Variants in CCDC7 observed in about 807,000 individuals in gnomAD.
CCDC7 encodes the protein coiled-coil domain containing 7, also known as coiled-coil domain-containing protein 7.
CCDC7 carries 183 observed loss-of-function variants against 196.9 expected under a neutral mutation model. The ratio of observed to expected loss-of-function variants is 0.93; its 90% CI spans 0.82 to 1.05. CCDC7 has a LOEUF of 1.05. Ranked by LOEUF, CCDC7 falls within the 50% of genes least tolerant of loss-of-function variation. The pLI is 0.00. For missense variants in CCDC7, 1,540 were observed against 1,482.2 expected (o/e 1.04, Z -0.64); for synonymous variants, 525 against 484.6 (o/e 1.08, Z -1.10).
chr10:32,737,613 T>G (rs2085076698), intron 28 of CCDC7, among the ~76,000 whole-genome samples: 1 of 152,184 alleles, frequency 6.6e-6, no homozygotes, highest in African/African-American at 2.4e-5. Flanking sequence ...TGAATTACAG[T>G]TAGATGGTAC....
Position 32,805,011 on chromosome 10 carries a change from A to G in CCDC7, c.3014-4A>G, listed in dbSNP as rs755966059. The G allele has an allele frequency of 1.3e-6, 2 of 1,587,500 alleles. No homozygotes were observed. Among genetic ancestry groups the G allele is most frequent in the East Asian group, 2.2e-5 (1 of 44,686 alleles). On this transcript the variant is annotated splice_polypyrimidine_tract_variant and splice_region_variant and intron_variant, in intron 29 of 41. Transcript: ENST00000639629. ...AGTATTTTTAAATCCATCTATTTCT[A>G]TAGAGACTGATATAGAAAGCTTGAG...
intron 9 of CCDC7, chr10:32,513,891 A>T (rs937178127): frequency 6.6e-6 from 1 of 152,214 alleles, no homozygotes; most frequent in South Asian, 2.1e-4. Flanking sequence ...TCAACATCAT[A>T]CTCAGTGGTG....
At chr10:32,709,326 G>T (rs979944042) in intron 24 of CCDC7, among the ~76,000 whole-genome samples, 2 of 116,788 alleles carry the variant, frequency 1.7e-5, no homozygotes, top group South Asian at 3.7e-4. Context: ...TATCGTGGGT[G>T]GGGGGAGGGG....
chr10:32,542,405 G>A (rs1344057326), intron 11 of CCDC7, among the ~76,000 whole-genome samples: 1 of 152,050 alleles, frequency 6.6e-6, no homozygotes, highest in Non-Finnish European at 1.5e-5. Flanking sequence ...GGCCGAGGCG[G>A]GCGGATCACC....
Position 32,698,090 on chromosome 10 carries a change from C to A in CCDC7, c.2458+3098C>A, listed in dbSNP as rs926444354. Among the ~76,000 whole-genome samples the A allele has an allele frequency of 2.6e-5, 4 of 151,664 alleles. No homozygotes were observed. The Admixed American group carries it at 2.7e-4, about 10-fold the overall frequency. On this transcript the variant is annotated intron_variant, in intron 24 of 41. Coordinates refer to ENST00000639629, the Ensembl canonical transcript of CCDC7. ...GTCTGGAGTGGACCTCCAGCAAGCT[C>A]CAGCAGACCTACAGCTAAGGGTCCT...
At chr10:32,785,488 G>T (rs1490695217) in intron 29 of CCDC7, among the ~76,000 whole-genome samples, 1 of 152,026 alleles carries the variant, frequency 6.6e-6, no homozygotes, top group Non-Finnish European at 1.5e-5. Flanking sequence ...TTTAAAGGTT[G>T]CATATGATAG....
intron 28 of CCDC7, among the ~76,000 whole-genome samples, chr10:32,742,893 T>G (rs1347208302): frequency 6.6e-6 from 1 of 152,188 alleles, no homozygotes; most frequent in East Asian, 1.9e-4. Context: ...AGATTAGAGT[T>G]TTGACATATA....
At chr10:32,514,725 G>C (rs1011301630) in intron 9 of CCDC7, 4 of 152,206 alleles carry the variant, frequency 2.6e-5, no homozygotes, top group Admixed American at 6.5e-5. Context: ...AGAAATGCAA[G>C]ACTTGGGCAC....
intron 33 of CCDC7, among the ~76,000 whole-genome samples, chr10:32,835,955 G>A (rs752187418): frequency 6.6e-6 from 1 of 152,108 alleles, no homozygotes; most frequent in Non-Finnish European, 1.5e-5. Context: ...GATAAGAAGA[G>A]GAGTATAACA....
chr10:32,571,822 C>A, intron 15 of CCDC7, 37 bp from the exon 17 acceptor site: 1 of 1,513,272 alleles, frequency 6.6e-7, no homozygotes, highest in Non-Finnish European at 8.8e-7. Flanking sequence ...CATATGCATA[C>A]TTGATATTTT....
intron 28 of CCDC7, among the ~76,000 whole-genome samples, chr10:32,777,202 G>C (rs563059159): frequency 2.0e-5 from 3 of 152,274 alleles, no homozygotes; most frequent in Non-Finnish European, 4.4e-5. Context: ...TGCTGCAAAA[G>C]ACATGATTTT....
At chr10:32,518,498 A>G (rs779064859) in exon 11 of CCDC7, 10 of 1,605,148 alleles carry the variant, frequency 6.2e-6, no homozygotes, top group African/African-American at 2.7e-5. Flanking sequence ...AAGTTGAAGG[A>G]CAAAGAGGTT....
intron 20 of CCDC7, among the ~76,000 whole-genome samples, chr10:32,639,320 T>G (rs1221073485): frequency 5.9e-5 from 9 of 152,164 alleles, no homozygotes; most frequent in Admixed American, 1.3e-4. Flanking sequence ...TTTTAATTGT[T>G]ATGTTAGGGT....
intron 32 of CCDC7, among the ~76,000 whole-genome samples, chr10:32,825,739 C>T (rs1340078418): frequency 1.3e-5 from 2 of 151,936 alleles, no homozygotes; most frequent in Non-Finnish European, 2.9e-5. Flanking sequence ...TGGAGAACAC[C>T]GATAAAGAGC....
chr10:32,881,715 T>C (rs2094796685), downstream of CCDC7, among the ~76,000 whole-genome samples: 1 of 152,118 alleles, frequency 6.6e-6, no homozygotes, highest in South Asian at 2.1e-4. Context: ...GTGCTCATGG[T>C]CAACATTTCT....
intron 7 of CCDC7, 107 bp downstream of exon 8, chr10:32,472,649 T>TAGTG (rs2038183579): frequency 1.9e-6 from 2 of 1,034,584 alleles, no homozygotes; most frequent in Non-Finnish European, 2.6e-6. Context: ...TGCTGGAGTG[T>TAGTG]AGTGGCATGA....
In CCDC7 at chr10:32,629,048, G is replaced by A. The variant is rs183263959; in HGVS notation, c.1802-5206G>A. Among the ~76,000 whole-genome samples the A allele has an allele frequency of 2.4e-4, 37 of 152,174 alleles. No homozygotes were observed. The East Asian group carries it at 4.6e-3, about 19-fold the overall frequency. The stretch of plus-strand genomic sequence containing the variant: ...AAGTATAGTTCAAGTCCAGTGTTTC[G>A]TTATTAATGTTCCATCTGTATGATC... On this transcript the variant is annotated intron_variant, in intron 18 of 41. Transcript: ENST00000639629.
intron 8 of CCDC7, among the ~76,000 whole-genome samples, chr10:32,485,901 AGTG>A (rs1422552420): frequency 6.6e-6 from 1 of 152,168 alleles, no homozygotes; most frequent in African/African-American, 2.4e-5. Context: ...TTTGCTGAGG[AGTG>A]CTTTACTTCC....
chr10:32,759,314 G>A (rs929961939), intron 28 of CCDC7, among the ~76,000 whole-genome samples: 18 of 152,260 alleles, frequency 1.2e-4, no homozygotes, highest in African/African-American at 4.1e-4. Flanking sequence ...GAACAAAGCT[G>A]GAGGCATCAC....
Sources: gnomAD v4.1 joint callset for allele counts (sites outside exome capture counted in the v4.1 genomes callset) on GRCh38, gnomAD v4.1.1 for gene constraint, MANE v1.5 for transcripts, NCBI Gene and HGNC (gene_info 2026-07-23, HGNC 2026-07-21) for gene names.